The following SLC4A4 variants were observed in gnomAD, a reference collection of about 807,000 sequenced individuals.
SLC4A4 encodes the protein solute carrier family 4 member 4, also known as electrogenic sodium bicarbonate cotransporter 1.
In SLC4A4, 27 loss-of-function variants were observed where a neutral mutation model predicts 111.5. The observed-to-expected ratio is 0.24, with a 90% CI of 0.18 to 0.33. The LOEUF (loss-of-function observed/expected upper bound fraction) is 0.33. Ranked by LOEUF, SLC4A4 falls within the 10% of genes least tolerant of loss-of-function variation. SLC4A4 has a pLI of 1.00. For missense variants in SLC4A4, 909 were observed against 1,315.5 expected, an observed-to-expected ratio of 0.69 and a Z score of 4.78; for synonymous variants, 443 against 463.4, an observed-to-expected ratio of 0.96 and a Z score of 0.57.
At chr4:71,090,587 C>T (rs1209683260) in intron 1 of SLC4A4, among the ~76,000 whole-genome samples, 1 of 152,170 alleles carries the variant, frequency 6.6e-6, no homozygotes, top group Non-Finnish European at 1.5e-5. Flanking sequence ...TTGTGGCCTG[C>T]AAGATTTTAG....
chr4:71,143,513 G>C (rs1259413146), intron 2 of SLC4A4, among the ~76,000 whole-genome samples: 1 of 152,142 alleles, frequency 6.6e-6, no homozygotes, highest in East Asian at 1.9e-4. Context: ...AGATCCCTGA[G>C]GAATCACCAC....
At chr4:71,323,298 C>T (rs941936057) in intron 3 of SLC4A4, among the ~76,000 whole-genome samples, 2 of 151,858 alleles carry the variant, frequency 1.3e-5, no homozygotes, top group African/African-American at 2.4e-5. Flanking sequence ...TAGTGTATGT[C>T]CTTCTGGTGG....
chr4:71,343,489 A>T lies in SLC4A4; in HGVS notation c.389+3984A>T, dbSNP rs191171855. 3.9e-5 allele frequency among the ~76,000 whole-genome samples: 6 copies of T among 152,184 alleles called. No individual in the cohort carries two copies. In the East Asian group the frequency reaches 1.2e-3, roughly 29 times the overall value. On this transcript the variant is annotated intron_variant, in intron 4 of 25. Coordinates refer to ENST00000264485, the MANE Select transcript of SLC4A4 (RefSeq NM_001098484.3). Reference sequence around the variant, plus strand: ...ATGTCTAAAACTGAACTTCAGATCTACTCTTCCTAAAGATTTCCTCTTCTC... The same window carrying T: ...ATGTCTAAAACTGAACTTCAGATCTTCTCTTCCTAAAGATTTCCTCTTCTC...
At chr4:71,186,516 G>A (rs1309353554), upstream of SLC4A4, among the ~76,000 whole-genome samples, 7 of 152,092 alleles carry the variant, frequency 4.6e-5, no homozygotes, top group African/African-American at 1.7e-4. Flanking sequence ...AAGGAACCTG[G>A]GAGGCAAGAG....
At chr4:71,094,560 CT>C (rs1482619341) in intron 2 of SLC4A4, among the ~76,000 whole-genome samples, 1 of 152,162 alleles carries the variant, frequency 6.6e-6, no homozygotes, top group Non-Finnish European at 1.5e-5. Flanking sequence ...GGTTTATTAG[CT>C]TTGTGAGTCT....
chr4:71,101,152 G>A (rs1308748462), intron 2 of SLC4A4, among the ~76,000 whole-genome samples: 4 of 152,222 alleles, frequency 2.6e-5, no homozygotes, highest in South Asian at 2.1e-4. Context: ...CCAGCTACTC[G>A]GGAGGCTGAG....
chr4:71,444,415 A>C (rs906095343), intron 8 of SLC4A4, among the ~76,000 whole-genome samples: 2 of 152,182 alleles, frequency 1.3e-5, no homozygotes, highest in Non-Finnish European at 2.9e-5. Flanking sequence ...TGTAACTCTG[A>C]CTTATTTATT....
intron 2 of SLC4A4, among the ~76,000 whole-genome samples, chr4:71,126,905 C>A (rs1261804503): frequency 6.6e-6 from 1 of 152,194 alleles, no homozygotes; most frequent in South Asian, 2.1e-4. Flanking sequence ...TGGTTCTGCA[C>A]CTTTACGTCA....
chr4:71,158,583 A>G (rs1221428647), intron 2 of SLC4A4, among the ~76,000 whole-genome samples: 1 of 152,192 alleles, frequency 6.6e-6, no homozygotes, highest in African/African-American at 2.4e-5. Flanking sequence ...CTTTTGAAAC[A>G]TCAAATTCCC....
intron 7 of SLC4A4, among the ~76,000 whole-genome samples, chr4:71,405,207 A>G (rs553468054): frequency 9.0e-4 from 137 of 152,270 alleles, no homozygotes; most frequent in African/African-American, 3.1e-3. Flanking sequence ...ATATACAACA[A>G]TGCTGTAAAA....
chr4:71,155,377 C>T (rs897713102), intron 2 of SLC4A4, among the ~76,000 whole-genome samples: 3 of 152,066 alleles, frequency 2.0e-5, no homozygotes, highest in African/African-American at 7.2e-5. Context: ...AAAGAAGAAA[C>T]ATCAGTGGTC....
intron 23 of SLC4A4, among the ~76,000 whole-genome samples, chr4:71,562,324 G>T (rs892748056): frequency 2.0e-5 from 3 of 151,676 alleles, no homozygotes; most frequent in African/African-American, 7.3e-5. Context: ...TCATTATTTA[G>T]GGGCTCCACA....
intron 6 of SLC4A4, among the ~76,000 whole-genome samples, chr4:71,363,360 G>C (rs537587802): frequency 6.6e-6 from 1 of 152,226 alleles, no homozygotes. Context: ...CTTGACACTG[G>C]CTTATTTTGG....
chr4:71,540,951 C>A (rs1202295065), intron 18 of SLC4A4, among the ~76,000 whole-genome samples: 2 of 152,086 alleles, frequency 1.3e-5, no homozygotes, highest in African/African-American at 4.8e-5. Flanking sequence ...TCACATGGAA[C>A]AAAGTTTCTG....
At chr4:71,538,388 A>G (rs75009923) in intron 18 of SLC4A4, among the ~76,000 whole-genome samples, 3,183 of 152,252 alleles carry the variant, frequency 0.021, 128 homozygotes, top group African/African-American at 0.073. Context: ...CATCACCTTC[A>G]GAATTGCCAC....
chr4:71,179,537 C>G (rs1745217308), intron 2 of SLC4A4, among the ~76,000 whole-genome samples: 1 of 148,444 alleles, frequency 6.7e-6, no homozygotes, highest in African/African-American at 2.6e-5. Flanking sequence ...GTGCAAAAAT[C>G]ACAAGCATTC....
chr4:71,435,137 C>T (rs1724005137), intron 7 of SLC4A4, among the ~76,000 whole-genome samples: 1 of 152,282 alleles, frequency 6.6e-6, no homozygotes, highest in African/African-American at 2.4e-5. Flanking sequence ...CTGGAGGCAT[C>T]ACACTACCTG....
Position 71,466,420 on chromosome 4 carries a change from A to G in SLC4A4, c.1498-24A>G, listed in dbSNP as rs74850425. ...GAAGAAAAAAGATGTGTTTCATTTAACATCTATATTTTCTTTATTTTAGGG... is the reference window on the plus strand; with the variant it reads ...GAAGAAAAAAGATGTGTTTCATTTAGCATCTATATTTTCTTTATTTTAGGG... On this transcript the variant is annotated intron_variant, in intron 12 of 25. Coordinates refer to ENST00000264485, the MANE Select transcript of SLC4A4 (RefSeq NM_001098484.3). The G allele has an allele frequency of 5.2e-5, 84 of 1,613,120 alleles. No individual in the cohort carries two copies. The East Asian group carries it at 1.7e-3, about 33-fold the overall frequency.
chr4:71,480,690 G>A (rs1728793080), intron 14 of SLC4A4, among the ~76,000 whole-genome samples: 1 of 151,678 alleles, frequency 6.6e-6, no homozygotes, highest in African/African-American at 2.4e-5. Flanking sequence ...TTTCTTAAAT[G>A]TAATGGAATA....
Sources: allele counts gnomAD v4.1 joint callset (sites outside exome capture counted in the v4.1 genomes callset), GRCh38; gene constraint gnomAD v4.1.1; transcripts MANE v1.5; gene names NCBI Gene and HGNC (gene_info 2026-07-23, HGNC 2026-07-21).